Variants in DPH6 observed in about 807,000 individuals in gnomAD.
DPH6 encodes diphthine--ammonia ligase.
In DPH6, 33 loss-of-function variants were observed where a neutral mutation model predicts 38.2. That is an observed-to-expected ratio of 0.86 (90% CI 0.65 to 1.15). The LOEUF (loss-of-function observed/expected upper bound fraction) is 1.15, where lower values mean the gene tolerates loss of function less well. DPH6 is among the 50% of genes most tolerant of loss of function. DPH6 has a pLI of 0.00. For missense variants in DPH6, 325 were observed against 320.0 expected, an observed-to-expected ratio of 1.02 and a Z score of -0.12; for synonymous variants, 108 against 103.0, an observed-to-expected ratio of 1.05 and a Z score of -0.30.
At chr15:35,308,272 C>G (rs2052110197) in intron 3 of DPH6, among the ~76,000 whole-genome samples, 2 of 152,020 alleles carry the variant, frequency 1.3e-5, no homozygotes, top group Non-Finnish European at 2.9e-5. Context: ...TCTAGAATGT[C>G]AAAAGCTTCT....
At chr15:35,227,474 T>G (rs2140389848) in intron 3 of DPH6, among the ~76,000 whole-genome samples, 1 of 152,150 alleles carries the variant, frequency 6.6e-6, no homozygotes, top group East Asian at 1.9e-4. Context: ...TGAGCCACCG[T>G]GCCTGGCCTA....
At chr15:35,406,851 C>T (rs947061675) in intron 6 of DPH6, among the ~76,000 whole-genome samples, 17 of 151,880 alleles carry the variant, frequency 1.1e-4, no homozygotes, top group Admixed American at 5.9e-4. Flanking sequence ...GTCTGAAACA[C>T]AGGAAAATGT....
In DPH6 at chr15:35,497,908, T is replaced by C. The variant is rs75219277; in HGVS notation, c.312+40366A>G. Among the ~76,000 whole-genome samples, 378 of 152,292 alleles carry C rather than the reference T, an allele frequency of 2.5e-3. 1 individual carries two copies. The highest frequency in any genetic ancestry group is 8.5e-3 in the African/African-American group (354 of 41,578). On this transcript the variant is annotated intron_variant, in intron 3 of 8. Transcript: ENST00000256538. ...AGTTTAGAAACACCAAATACATGAA[T>C]TGATGATAACAAACCGAAAGATTCC...
At chr15:35,386,408 C>T (rs1247109848) in intron 6 of DPH6, among the ~76,000 whole-genome samples, 10 of 152,206 alleles carry the variant, frequency 6.6e-5, no homozygotes, top group Admixed American at 5.9e-4. Context: ...TTCTAGATCC[C>T]TGAGGAGTCG....
At chr15:35,361,350 T>C (rs2052612430) in intron 3 of DPH6, among the ~76,000 whole-genome samples, 1 of 152,182 alleles carries the variant, frequency 6.6e-6, no homozygotes, top group Admixed American at 6.5e-5. Context: ...TTTTCCACCA[T>C]CTTGCCTATG....
chr15:35,332,889 T>C (rs1281279892), intron 3 of DPH6, among the ~76,000 whole-genome samples: 2 of 152,006 alleles, frequency 1.3e-5, no homozygotes, highest in East Asian at 3.9e-4. Flanking sequence ...GATTCAAATA[T>C]ACACTGTTTT....
At chr15:35,365,977 G>T (rs1239823115), downstream of DPH6, 2 of 985,118 alleles carry the variant, frequency 2.0e-6, no homozygotes, top group African/African-American at 3.5e-5. Context: ...CTTAGCCTAA[G>T]GGCAAAGGTG....
intron 7 of DPH6, among the ~76,000 whole-genome samples, chr15:35,381,140 T>A (rs1420295447): frequency 1.3e-5 from 2 of 152,164 alleles, no homozygotes; most frequent in African/African-American, 4.8e-5. Flanking sequence ...CAATCAAGCA[T>A]AACTCTGACA....
At chr15:35,449,951 T>C (rs868010394) in intron 5 of DPH6, among the ~76,000 whole-genome samples, 1 of 152,174 alleles carries the variant, frequency 6.6e-6, no homozygotes, top group African/African-American at 2.4e-5. Flanking sequence ...ATGAGGTACA[T>C]GATTTAGGCT....
chr15:35,514,999 A>G (rs1189438169), intron 3 of DPH6, among the ~76,000 whole-genome samples: 1 of 152,204 alleles, frequency 6.6e-6, no homozygotes, highest in East Asian at 1.9e-4. Context: ...TGACTAATAC[A>G]TAGCAGTAAC....
chr15:35,401,153 A>C, intron 6 of DPH6: 1 of 1,040,290 alleles, frequency 9.6e-7, no homozygotes, highest in Admixed American at 1.7e-5. Context: ...CAGAAACACC[A>C]TACTGTGAAT....
At chr15:35,386,882 T>C (rs574677980) in intron 6 of DPH6, among the ~76,000 whole-genome samples, 1 of 152,328 alleles carries the variant, frequency 6.6e-6, no homozygotes, top group Admixed American at 6.5e-5. Flanking sequence ...TTTGTTGCCA[T>C]TGCTTTCGGT....
chr15:35,289,479 G>C (rs889080935), intron 3 of DPH6, among the ~76,000 whole-genome samples: 1 of 151,942 alleles, frequency 6.6e-6, no homozygotes, highest in African/African-American at 2.4e-5. Context: ...TATGATCATG[G>C]GTAGAACTTG....
intron 3 of DPH6, among the ~76,000 whole-genome samples, chr15:35,303,229 A>G (rs1354402049): frequency 6.6e-6 from 1 of 152,050 alleles, no homozygotes; most frequent in Non-Finnish European, 1.5e-5. Context: ...CCTTCCTTCC[A>G]TCTTTAATAT....
At chr15:35,367,437 G>A (rs1336141497), downstream of DPH6, among the ~76,000 whole-genome samples, 1 of 151,758 alleles carries the variant, frequency 6.6e-6, no homozygotes, top group African/African-American at 2.4e-5. Flanking sequence ...TCTGTTAAAG[G>A]TTATACATTT....
intron 3 of DPH6, among the ~76,000 whole-genome samples, chr15:35,346,240 C>G (rs1449621455): frequency 6.6e-6 from 1 of 151,964 alleles, no homozygotes; most frequent in Non-Finnish European, 1.5e-5. Flanking sequence ...TCTACAAAAC[C>G]AGCAATTTGC....
At chr15:35,437,833 G>C (rs1595563013) in intron 5 of DPH6, among the ~76,000 whole-genome samples, 1 of 152,174 alleles carries the variant, frequency 6.6e-6, no homozygotes, top group Non-Finnish European at 1.5e-5. Context: ...GCAGTGCTTT[G>C]TTCTAGCCTC....
At chr15:35,511,152 T>C (rs1247192129) in intron 3 of DPH6, among the ~76,000 whole-genome samples, 1 of 152,136 alleles carries the variant, frequency 6.6e-6, no homozygotes, top group Non-Finnish European at 1.5e-5. Context: ...CCCCAAATGA[T>C]CTGTTTGCAT....
intron 3 of DPH6, among the ~76,000 whole-genome samples, chr15:35,245,979 G>A (rs2051635281): frequency 1.3e-5 from 2 of 152,178 alleles, no homozygotes; most frequent in African/African-American, 4.8e-5. Flanking sequence ...AAAATGGCCG[G>A]TTCCTGCCTT....
Sources: allele counts gnomAD v4.1 joint callset (sites outside exome capture counted in the v4.1 genomes callset), GRCh38; gene constraint gnomAD v4.1.1; transcripts MANE v1.5; gene names NCBI Gene and HGNC (gene_info 2026-07-23, HGNC 2026-07-21).